Variants in OSBPL2 observed in about 807,000 individuals in gnomAD.
OSBPL2 encodes the protein oxysterol binding protein like 2, also known as oxysterol-binding protein-related protein 2.
In OSBPL2, 18 loss-of-function variants were observed where a neutral mutation model predicts 58.4. The observed-to-expected ratio is 0.31, with a 90% CI of 0.21 to 0.46. The LOEUF (loss-of-function observed/expected upper bound fraction) is 0.46. OSBPL2 is among the 20% of genes least tolerant of loss of function. The pLI, the probability that OSBPL2 is intolerant of heterozygous loss-of-function variation, is 1.00. For synonymous variants in OSBPL2, 221 were observed against 234.1 expected, an observed-to-expected ratio of 0.94 and a Z score of 0.51; for missense variants, 461 against 616.5, an observed-to-expected ratio of 0.75 and a Z score of 2.67.
At position 62,252,149 on chromosome 20, in the gene OSBPL2, G is replaced by A. The variant is rs552348385; in HGVS notation, c.-128-3908G>A. Among the ~76,000 whole-genome samples the A allele has an allele frequency of 1.6e-4, 24 of 152,086 alleles. No individual in the cohort carries two copies. In the South Asian group the frequency reaches 1.9e-3, roughly 12 times the overall value. On this transcript the variant is annotated intron_variant, in intron 1 of 13. Coordinates refer to ENST00000313733, the MANE Select transcript of OSBPL2 (RefSeq NM_144498.4). ...TCCACCTGCCTCAGCCTCCCAAAGT[G>A]CTGAGTTTACAAGCGGGAACCACTG... is the stretch of plus-strand genomic sequence containing the variant.
chr20:62,278,513 TGTGTTGCC>T lies in OSBPL2; in HGVS notation c.492-643_492-636del, dbSNP rs1451073030. The T allele has an allele frequency of 6.0e-3, 757 of 125,782 alleles. 8 individuals carry two copies. Among genetic ancestry groups the T allele is most frequent in the Non-Finnish European group, 8.6e-3 (516 of 59,700 alleles). 7.8% of individuals were successfully genotyped at this position (125,782 alleles called of 1,614,324 possible). On this transcript the variant is annotated intron_variant, in intron 6 of 13. Transcript: ENST00000313733. ...CCAAGTGCGATGTCATGTTTATGTG[TGTGTTGCC>T]AACGTTAGGCCGAGTGCGATGTCAT... is the stretch of plus-strand genomic sequence containing the variant.
At position 62,288,670 on chromosome 20, in the gene OSBPL2, A is replaced by G. The variant is rs2145977306; in HGVS notation, c.1126-537A>G. Reference sequence around the variant, plus strand: ...GTGTGCTGTCCACAAGACGCCGAGCAGACAGCTGCGAGCCAGAAGTCAGGC... The same window carrying G: ...GTGTGCTGTCCACAAGACGCCGAGCGGACAGCTGCGAGCCAGAAGTCAGGC... On this transcript the variant is annotated intron_variant, in intron 11 of 13. Coordinates refer to ENST00000313733, the MANE Select transcript of OSBPL2 (RefSeq NM_144498.4). The surrounding 1 kb of genome is among the most constrained non-coding windows in gnomAD (Gnocchi z 4.8). Among the ~76,000 whole-genome samples, 1 of 152,300 alleles carries G rather than the reference A, an allele frequency of 6.6e-6. No individual in the cohort carries two copies. The highest frequency in any genetic ancestry group is 1.5e-5 in the Non-Finnish European group (1 of 68,006).
chr20:62,250,702 CT>C (rs1980467325), intron 1 of OSBPL2, among the ~76,000 whole-genome samples: 2 of 152,170 alleles, frequency 1.3e-5, no homozygotes, highest in African/African-American at 4.8e-5. Context: ...GGGAGGATCA[CT>C]TGAGTCCAGG....
chr20:62,244,381 G>A (rs1043606426), intron 1 of OSBPL2, among the ~76,000 whole-genome samples: 1 of 152,198 alleles, frequency 6.6e-6, no homozygotes, highest in African/African-American at 2.4e-5. Context: ...GCGGCGGGTC[G>A]GGGGCTGGCT....
At chr20:62,256,270 C>T in intron 2 of OSBPL2, 49 bp downstream of exon 2, 1 of 1,562,316 alleles carries the variant, frequency 6.4e-7, no homozygotes, top group East Asian at 2.2e-5. Context: ...GGTGAACGTC[C>T]CTGGATTCAG....
chr20:62,280,155 G>C (rs1978529653), intron 7 of OSBPL2: 1 of 1,270,924 alleles, frequency 7.9e-7, no homozygotes, highest in Non-Finnish European at 1.0e-6. Flanking sequence ...CTGCAGTCTT[G>C]TTGTAGGCAG....
Position 62,294,473 on chromosome 20 carries a change from T to C in OSBPL2, c.*586T>C, listed in dbSNP as rs1353010850. On this transcript the variant is annotated 3_prime_UTR_variant, in exon 14 of 14. Coordinates refer to ENST00000313733, the MANE Select transcript of OSBPL2 (RefSeq NM_144498.4). ...ATCTTCAATAATGTAAAGATTACTT[T>C]TAAAATATTTAAGTTAAAACTACTT... The C allele has an allele frequency of 1.3e-5, 2 of 152,856 alleles. No individual in the cohort carries two copies. The highest frequency in any genetic ancestry group is 4.8e-5 in the African/African-American group (2 of 41,412). 9.5% of individuals were successfully genotyped at this position (152,856 alleles called of 1,614,324 possible). A position where few individuals can be genotyped will look rare whatever the true frequency, so the allele number is the denominator to read the frequency against.
intron 11 of OSBPL2, 101 bp downstream of exon 11, chr20:62,286,812 C>A (rs536466919): frequency 1.5e-6 from 2 of 1,361,404 alleles, no homozygotes; most frequent in South Asian, 1.4e-5. Flanking sequence ...CCTTGCCTGC[C>A]GCCTCGCCTC....
chr20:62,251,679 A>T (rs6121966), intron 1 of OSBPL2, among the ~76,000 whole-genome samples: 3,414 of 151,246 alleles, frequency 0.023, 49 homozygotes, highest in Non-Finnish European at 0.033. Context: ...AAGTGCTGGG[A>T]TTACAGGCAT....
intron 3 of OSBPL2, among the ~76,000 whole-genome samples, chr20:62,262,745 G>A (rs982713508): frequency 2.0e-5 from 3 of 152,176 alleles, no homozygotes; most frequent in Non-Finnish European, 4.4e-5. Flanking sequence ...TCACTCTGGA[G>A]GTCAGAGTGT....
intron 4 of OSBPL2, among the ~76,000 whole-genome samples, chr20:62,268,557 T>C (rs555544741): frequency 5.3e-5 from 8 of 152,312 alleles, no homozygotes; most frequent in African/African-American, 1.9e-4. Context: ...AATTCAATAG[T>C]ATATCCATAG....
In OSBPL2 at chr20:62,288,073, A is replaced by T. The variant is rs1251586081; in HGVS notation, c.1126-1134A>T. Among the ~76,000 whole-genome samples, 11 of 152,094 alleles carry T rather than the reference A, an allele frequency of 7.2e-5. No individual in the cohort carries two copies. The highest frequency in any genetic ancestry group is 2.0e-4 in the Admixed American group (3 of 15,276). ...TAGGGATTGCGTTTGGGCGGAGGGGACAGTCAGGGCAGAGACCCCTGGAGT... is the reference window on the plus strand; with the variant it reads ...TAGGGATTGCGTTTGGGCGGAGGGGTCAGTCAGGGCAGAGACCCCTGGAGT... On this transcript the variant is annotated intron_variant, in intron 11 of 13. Coordinates refer to ENST00000313733, the MANE Select transcript of OSBPL2 (RefSeq NM_144498.4). This position sits in a 1 kb window ranked among gnomAD's most constrained non-coding sequence, Gnocchi z 4.8.
intron 1 of OSBPL2, among the ~76,000 whole-genome samples, chr20:62,254,442 A>C (rs1980784591): frequency 6.6e-6 from 1 of 152,252 alleles, no homozygotes; most frequent in South Asian, 2.1e-4. Flanking sequence ...CTGCAAGGGC[A>C]AGCACACCCT....
intron 5 of OSBPL2, 67 bp from the exon 6 acceptor site, chr20:62,273,242 G>A: frequency 2.3e-6 from 3 of 1,282,286 alleles, no homozygotes; most frequent in Middle Eastern, 2.0e-4. Flanking sequence ...CCCTCCACAA[G>A]AGGCCATCTT....
At position 62,289,109 on chromosome 20, in the gene OSBPL2, A is replaced by G; in HGVS notation, c.1126-98A>G. ...TAGGTTCCCATGGTGGCAGTCAGGT[A>G]GCACCTGCGGGATTTCAGGGGCCCA... is the stretch of plus-strand genomic sequence containing the variant. On this transcript the variant is annotated intron_variant, in intron 11 of 13. Coordinates refer to ENST00000313733, the MANE Select transcript of OSBPL2 (RefSeq NM_144498.4). 4 of 1,377,118 alleles carry G rather than the reference A, an allele frequency of 2.9e-6. No homozygotes were observed. In the South Asian group the frequency reaches 3.9e-5, roughly 13 times the overall value. The allele number at this position is 1,377,118 out of a possible 1,614,324, so 85.3% of individuals were successfully genotyped here.
In OSBPL2 at chr20:62,256,133, T is replaced by C. The variant is rs761599561; in HGVS notation, c.-52T>C. 3.3e-5 allele frequency: 53 copies of C among 1,594,946 alleles called. No individual in the cohort carries two copies. The highest frequency in any genetic ancestry group is 4.4e-5 in the Non-Finnish European group (51 of 1,163,508). On this transcript the variant is annotated 5_prime_UTR_variant, in exon 2 of 14. An upstream start codon of the reference 5' UTR is lost. Coordinates refer to ENST00000313733, the MANE Select transcript of OSBPL2 (RefSeq NM_144498.4). ...CACTGTAGATGTGGATCAGATACGA[T>C]GATTCAGTAGAAGAGCACATGTCAG...
chr20:62,263,508 A>G lies in OSBPL2; in HGVS notation c.183-108A>G, dbSNP rs766323991. 6.6e-5 allele frequency: 58 copies of G among 881,978 alleles called. No homozygotes were observed. In the Middle Eastern group the frequency reaches 1.7e-3, roughly 26 times the overall value. 54.6% of individuals were successfully genotyped at this position (881,978 alleles called of 1,614,324 possible). A position where few individuals can be genotyped will look rare whatever the true frequency, so the allele number is the denominator to read the frequency against. ...GGCATGCCAGAATGTAGAAATGCCA[A>G]TGTTTAGGAGTAAAAATTAAAGAGA... On this transcript the variant is annotated intron_variant, in intron 3 of 13. Transcript: ENST00000313733.
chr20:62,287,105 T>A (rs944448084), intron 11 of OSBPL2, among the ~76,000 whole-genome samples: 1 of 152,262 alleles, frequency 6.6e-6, no homozygotes, highest in Non-Finnish European at 1.5e-5. Context: ...CCAAGCCTGT[T>A]TGGGGAGATT....
chr20:62,294,095 C>T lies in OSBPL2; in HGVS notation c.*208C>T, dbSNP rs1983711347. On this transcript the variant is annotated 3_prime_UTR_variant, in exon 14 of 14. Transcript: ENST00000313733. Reference sequence around the variant, plus strand: ...GCTGTGCCGTCTCTTCATAAAGCTTCACTTGGGATCATCGTCTTCATTAAG... The same window carrying T: ...GCTGTGCCGTCTCTTCATAAAGCTTTACTTGGGATCATCGTCTTCATTAAG... The T allele has an allele frequency of 4.6e-6, 3 of 650,112 alleles. No homozygotes were observed. Among genetic ancestry groups the T allele is most frequent in the Non-Finnish European group, 5.0e-6 (2 of 401,534 alleles). The allele number at this position is 650,112 out of a possible 1,614,324, so 40.3% of individuals were successfully genotyped here.
Sources: allele counts gnomAD v4.1 joint callset (sites outside exome capture counted in the v4.1 genomes callset), GRCh38; gene constraint gnomAD v4.1.1; non-coding constraint Gnocchi (gnomAD v3.1); transcripts MANE v1.5; gene names NCBI Gene and HGNC (gene_info 2026-07-23, HGNC 2026-07-21).